IGSF3: variants seen among roughly 807,000 people sequenced by gnomAD.
IGSF3 encodes the protein glu-Trp-Ile EWI motif-containing protein 3.
In IGSF3, 23 loss-of-function variants were observed where a neutral mutation model predicts 114.4. The ratio of observed to expected loss-of-function variants is 0.20; its 90% confidence interval spans 0.14 to 0.28. The LOEUF is 0.28. Among genes scored for constraint, IGSF3 ranks in the 10% least tolerant of loss-of-function variants. IGSF3 has a pLI of 1.00. For missense variants in IGSF3, 1,172 were observed against 1,591.5 expected, an observed-to-expected ratio of 0.74 and a Z score of 4.48; for synonymous variants, 571 against 645.2, an observed-to-expected ratio of 0.88 and a Z score of 1.74.
chr1:116,637,561 G>C (rs1161116549), intron 2 of IGSF3, among the ~76,000 whole-genome samples: 1 of 152,216 alleles, frequency 6.6e-6, no homozygotes, highest in Admixed American at 6.5e-5. Flanking sequence ...GGACAAGGAT[G>C]AAGCAAGCAG....
intron 2 of IGSF3, among the ~76,000 whole-genome samples, chr1:116,659,194 C>G (rs1393018766): frequency 6.6e-6 from 1 of 152,008 alleles, no homozygotes; most frequent in Non-Finnish European, 1.5e-5. Context: ...ACTGGGCTGA[C>G]GACTGCTTGG....
intron 5 of IGSF3, among the ~76,000 whole-genome samples, chr1:116,606,279 C>A (rs1200711828): frequency 6.6e-6 from 1 of 152,230 alleles, no homozygotes; most frequent in Non-Finnish European, 1.5e-5. Flanking sequence ...ACTAACTGAA[C>A]AATCAGCTCT....
rs575047260 is a variant in IGSF3 at position 116,579,566 on chromosome 1, G to A, written c.3160C>T (p.Arg1054Cys). 9.9e-6 allele frequency: 16 copies of A among 1,614,146 alleles called. No individual in the cohort carries two copies. Among genetic ancestry groups the A allele is most frequent in the Admixed American group, 1.7e-5 (1 of 60,032 alleles). ...AGCACCGGGGAGAGCCTCTGGAAGC[G>A]AAGCCTGCCCTCCCAAGGACTGCCC... is the stretch of plus-strand genomic sequence containing the variant. ...PEGSPWEGRL[R>C]FQRLSPVLYR... is the part of the protein sequence containing the mutation. Residue 1054 changes from arginine (R) to cysteine (C), a missense_variant, in exon 10 of 11, where the codon CGC (arginine) becomes TGC (cysteine). By Grantham distance (180) the Arg-to-Cys change is radical. Coordinates refer to ENST00000369486, the MANE Select transcript of IGSF3 (RefSeq NM_001007237.3). This position sits in a 1 kb window ranked among gnomAD's most constrained non-coding sequence, Gnocchi z 6.4.
Position 116,655,293 on chromosome 1 carries a change from C to T in IGSF3, c.43+10991G>A, listed in dbSNP as rs1648799470. ...AGATTCTACTAGAACAGGGGCTACC[C>T]CCAGAGGTCTCAGGACAAGGGATAG... On this transcript the variant is annotated intron_variant, in intron 2 of 10. Transcript: ENST00000369486. The surrounding 1 kb of genome is among the most constrained non-coding windows in gnomAD (Gnocchi z 4.3). Among the ~76,000 whole-genome samples the T allele has an allele frequency of 6.6e-6, 1 of 152,086 alleles. No individual in the cohort carries two copies. Among genetic ancestry groups the T allele is most frequent in the Admixed American group, 6.6e-5 (1 of 15,262 alleles).
rs1660454854 is a variant in IGSF3, at chr1:116,598,938, C to T, written c.2029+1003G>A. Among the ~76,000 whole-genome samples, 1 of 152,176 alleles carries T rather than the reference C, an allele frequency of 6.6e-6. No homozygotes were observed. On this transcript the variant is annotated intron_variant, in intron 7 of 10. Coordinates refer to ENST00000369486, the MANE Select transcript of IGSF3 (RefSeq NM_001007237.3). This position sits in a 1 kb window ranked among gnomAD's most constrained non-coding sequence, Gnocchi z 4.3. ...GCAGAAAGCCCCACTGACTAATGCT[C>T]CCCAAATTAATGCATCCTTATGATC...
rs751877076 is a variant in IGSF3, at chr1:116,584,755, C to G, written c.2738G>C (p.Ser913Thr). Residue 913 changes from serine to threonine, a missense_variant, in exon 9 of 11, where the codon AGC (serine) becomes ACC (threonine). Physicochemically the swap from Ser to Thr is moderately conservative, Grantham distance 58 (BLOSUM62 1). Coordinates refer to ENST00000369486, the MANE Select transcript of IGSF3 (RefSeq NM_001007237.3). This position sits in a 1 kb window ranked among gnomAD's most constrained non-coding sequence, Gnocchi z 5.8. The part of the protein sequence containing the change: ...LFIQNVAVQD[S>T]GTYSCHVEEW... ...CTCCACATGGCAGCTGTAGGTCCCG[C>G]TGTCCTGCACAGCCACGTTCTGGAT... is the stretch of plus-strand genomic sequence containing the variant. 5 of 1,614,144 alleles carry G rather than the reference C, an allele frequency of 3.1e-6. No individual in the cohort carries two copies. In the Middle Eastern group the frequency reaches 6.6e-4, roughly 213 times the overall value.
At position 116,575,535 on chromosome 1, in the gene IGSF3, A is replaced by G. The variant is rs1659309210; in HGVS notation, c.*1777T>C. The G allele has an allele frequency of 6.6e-6, 1 of 152,298 alleles. No individual in the cohort carries two copies. The highest frequency in any genetic ancestry group is 1.5e-5 in the Non-Finnish European group (1 of 68,020). The allele number at this position is 152,298 out of a possible 1,614,324, so 9.4% of individuals were successfully genotyped here. Reference sequence around the variant, plus strand: ...CACAGACACTGGCCTGGGGAATCCCATGGCCTCCCCTGCAGTCTGCTCGTT... The same window carrying G: ...CACAGACACTGGCCTGGGGAATCCCGTGGCCTCCCCTGCAGTCTGCTCGTT... On this transcript the variant is annotated 3_prime_UTR_variant, in exon 11 of 11. Transcript: ENST00000369486. This position sits in a 1 kb window ranked among gnomAD's most constrained non-coding sequence, Gnocchi z 5.6.
At position 116,610,340 on chromosome 1, in the gene IGSF3, C is replaced by T. The variant is rs200467948; in HGVS notation, c.833-2009G>A. On this transcript the variant is annotated intron_variant, in intron 4 of 10. Coordinates refer to ENST00000369486, the MANE Select transcript of IGSF3 (RefSeq NM_001007237.3). This position sits in a 1 kb window ranked among gnomAD's most constrained non-coding sequence, Gnocchi z 4.3. ...TGTAACTCTGGCTTTCTTCTTTCGG[C>T]GGCCAAAGACTCTTCTCATCTCAAG... Among the ~76,000 whole-genome samples the T allele has an allele frequency of 3.3e-5, 5 of 152,302 alleles. No individual in the cohort carries two copies. Among genetic ancestry groups the T allele is most frequent in the Admixed American group, 2.0e-4 (3 of 15,306 alleles).
chr1:116,600,306 C>T lies in IGSF3; in HGVS notation c.1664G>A (p.Gly555Glu), dbSNP rs1571141811. The change falls in exon 7 of 11, where the codon GGG (glycine) becomes GAG (glutamate). Residue 555 changes from glycine (G) to glutamate (E), a missense_variant. By Grantham distance (98) the Gly-to-Glu change is moderately conservative. Around this residue, in one of 3 missense-constraint regions of IGSF3, gnomAD observed 736 missense variants for 1,042.0 expected, o/e 0.71. Coordinates refer to ENST00000369486, the MANE Select transcript of IGSF3 (RefSeq NM_001007237.3). The surrounding 1 kb of genome is among the most constrained non-coding windows in gnomAD (Gnocchi z 5.5). ...GTCAAAGGAGTCGCTGTAGGTCACC[C>T]CCGGTGTCCGGGAGATGGCTGTGAC... ...FAVTAISRTP[G>E]VTYSDSFDLQ... 6.2e-7 allele frequency: 1 copy of T among 1,612,320 alleles called. No individual in the cohort carries two copies. Among genetic ancestry groups the T allele is most frequent in the East Asian group, 2.2e-5 (1 of 44,846 alleles).
At chr1:116,604,588 C>A (rs1280119875) in intron 5 of IGSF3, among the ~76,000 whole-genome samples, 1 of 152,176 alleles carries the variant, frequency 6.6e-6, no homozygotes, top group Non-Finnish European at 1.5e-5. Flanking sequence ...AATAAGGGAG[C>A]ACAGATGGTC....
rs1365971848 is a variant in IGSF3 at position 116,592,732 on chromosome 1, T to C, written c.2030-3628A>G. The stretch of plus-strand genomic sequence containing the variant: ...TTACGCTCTACTATAGCTGTGTTAC[T>C]GCTGCCTTACAACGAAGGTAATTCT... On this transcript the variant is annotated intron_variant, in intron 7 of 10. Transcript: ENST00000369486. This position sits in a 1 kb window ranked among gnomAD's most constrained non-coding sequence, Gnocchi z 4.5. Among the ~76,000 whole-genome samples, 1 of 152,248 alleles carries C rather than the reference T, an allele frequency of 6.6e-6. No homozygotes were observed. Among genetic ancestry groups the C allele is most frequent in the East Asian group, 1.9e-4 (1 of 5,200 alleles).
In IGSF3 at chr1:116,629,303, C is replaced by T. The variant is rs925825068; in HGVS notation, c.44-12846G>A. Among the ~76,000 whole-genome samples the T allele has an allele frequency of 1.4e-4, 21 of 152,180 alleles. No individual in the cohort carries two copies. The highest frequency in any genetic ancestry group is 5.1e-4 in the African/African-American group (21 of 41,420). On this transcript the variant is annotated intron_variant, in intron 2 of 10. Transcript: ENST00000369486. This position sits in a 1 kb window ranked among gnomAD's most constrained non-coding sequence, Gnocchi z 4.3. ...CGTAAAGATAAACACCCACACACCTCTATATATGTGTGGAAAAAGGACTGG... is the reference window on the plus strand; with the variant it reads ...CGTAAAGATAAACACCCACACACCTTTATATATGTGTGGAAAAAGGACTGG...
intron 2 of IGSF3, 45 bp downstream of exon 2, chr1:116,666,239 G>C: frequency 1.3e-6 from 2 of 1,565,750 alleles, no homozygotes; most frequent in Non-Finnish European, 1.8e-6. Flanking sequence ...ACCAAGAGCA[G>C]GTTAAACTTT....
In IGSF3 at chr1:116,593,179, TCTGC is replaced by T. The variant is rs1175460889; in HGVS notation, c.2030-4079_2030-4076del. Among the ~76,000 whole-genome samples, 1 of 152,204 alleles carries T rather than the reference TCTGC, an allele frequency of 6.6e-6. No individual in the cohort carries two copies. The highest frequency in any genetic ancestry group is 1.5e-5 in the Non-Finnish European group (1 of 68,028). On this transcript the variant is annotated intron_variant, in intron 7 of 10. Coordinates refer to ENST00000369486, the MANE Select transcript of IGSF3 (RefSeq NM_001007237.3). The surrounding 1 kb of genome is among the most constrained non-coding windows in gnomAD (Gnocchi z 4.5). Reference sequence around the variant, plus strand: ...TCTGCAGATCAGCATCACCTGGGAATCTGCCAGCCCCTGCTAAGTCAGAAAAACT... The same window carrying T: ...TCTGCAGATCAGCATCACCTGGGAATCAGCCCCTGCTAAGTCAGAAAAACT...
At position 116,655,831 on chromosome 1, in the gene IGSF3, G is replaced by A. The variant is rs977514983; in HGVS notation, c.43+10453C>T. Among the ~76,000 whole-genome samples, 7 of 152,100 alleles carry A rather than the reference G, an allele frequency of 4.6e-5. No homozygotes were observed. Among genetic ancestry groups the A allele is most frequent in the South Asian group, 2.1e-4 (1 of 4,812 alleles). ...GCAAAATAGTCAATAAAATACGAACGTGCTTAATTTGATGAATTTATGTAT... is the reference window on the plus strand; with the variant it reads ...GCAAAATAGTCAATAAAATACGAACATGCTTAATTTGATGAATTTATGTAT... On this transcript the variant is annotated intron_variant, in intron 2 of 10. Transcript: ENST00000369486. This position sits in a 1 kb window ranked among gnomAD's most constrained non-coding sequence, Gnocchi z 4.3.
chr1:116,637,764 T>A (rs1474611847), intron 2 of IGSF3, among the ~76,000 whole-genome samples: 5 of 152,256 alleles, frequency 3.3e-5, no homozygotes, highest in African/African-American at 1.2e-4. Context: ...AGACTGTTTT[T>A]TATCTTACTT....
In IGSF3 at chr1:116,666,649, C is replaced by G; in HGVS notation, c.-323G>C. On this transcript the variant is annotated 5_prime_UTR_variant, in exon 2 of 11. Coordinates refer to ENST00000369486, the MANE Select transcript of IGSF3 (RefSeq NM_001007237.3). ...GTAGTGGATTAATCCTCCAGAAGCA[C>G]GGAAAAAAGGGTCTGAGAAAATCCT... is the stretch of plus-strand genomic sequence containing the variant. 1 of 555,566 alleles carries G rather than the reference C, an allele frequency of 1.8e-6. No individual in the cohort carries two copies. The highest frequency in any genetic ancestry group is 3.2e-6 in the Non-Finnish European group (1 of 316,208). 34.4% of individuals were successfully genotyped at this position (555,566 alleles called of 1,614,324 possible). A position where few individuals can be genotyped will look rare whatever the true frequency, so the allele number is the denominator to read the frequency against.
At chr1:116,646,159 G>A (rs1010441132) in intron 2 of IGSF3, among the ~76,000 whole-genome samples, 14 of 152,214 alleles carry the variant, frequency 9.2e-5, no homozygotes, top group Admixed American at 5.2e-4. Flanking sequence ...GCCGGAGACA[G>A]AAAAAGTCTC....
chr1:116,609,790 T>A (rs76667950), intron 4 of IGSF3, among the ~76,000 whole-genome samples: 1 of 152,054 alleles, frequency 6.6e-6, no homozygotes, highest in Non-Finnish European at 1.5e-5. Context: ...TTCAAGCAGA[T>A]GAGGTTTCTG....
Sources: gnomAD v4.1 joint callset for allele counts (sites outside exome capture counted in the v4.1 genomes callset) on GRCh38, gnomAD v4.1.1 for gene constraint, gnomAD v4.1.1 regional missense constraint, Gnocchi (gnomAD v3.1) non-coding constraint, MANE v1.5 for transcripts, NCBI Gene and HGNC (gene_info 2026-07-23, HGNC 2026-07-21) for gene names.